The following LINGO1 variants were observed in gnomAD, a reference collection of about 807,000 sequenced individuals.
LINGO1 encodes the protein leucine rich repeat and Ig domain containing 1.
Under a neutral mutation model 37.3 loss-of-function variants are expected in LINGO1, and 11 were observed. The observed-to-expected ratio is 0.29, with a 90% CI of 0.19 to 0.49. The LOEUF (loss-of-function observed/expected upper bound fraction) is 0.49. LINGO1 is among the 20% of genes least tolerant of loss of function. The pLI is 0.99. For missense variants in LINGO1, 585 were observed against 878.2 expected (o/e 0.67, Z 4.22); for synonymous variants, 387 against 403.0 (o/e 0.96, Z 0.48).
intron 2 of LINGO1, among the ~76,000 whole-genome samples, chr15:77,716,870 G>A (rs776731761): frequency 6.6e-6 from 1 of 150,428 alleles, no homozygotes; most frequent in Non-Finnish European, 1.5e-5. Flanking sequence ...CAGGGCCCAG[G>A]GAGTTCCCAA....
At chr15:77,647,329 T>C (rs1180037614) in intron 3 of LINGO1, among the ~76,000 whole-genome samples, 3 of 144,476 alleles carry the variant, frequency 2.1e-5, no homozygotes, top group South Asian at 2.2e-4. Flanking sequence ...AGGGGAGAGG[T>C]AGACCCAGCT....
intron 1 of LINGO1, among the ~76,000 whole-genome samples, chr15:77,783,874 G>A (rs945054955): frequency 2.6e-5 from 4 of 152,206 alleles, no homozygotes; most frequent in African/African-American, 9.6e-5. Flanking sequence ...TGGGAGGTGG[G>A]ATACAGGAAG....
At chr15:77,737,370 G>A (rs1189424262) in intron 1 of LINGO1, among the ~76,000 whole-genome samples, 1 of 152,006 alleles carries the variant, frequency 6.6e-6, no homozygotes, top group African/African-American at 2.4e-5. Context: ...ACAGAGCAGA[G>A]CAATTTGCCT....
rs112509638 is a variant in LINGO1 at position 77,689,176 on chromosome 15, AG to A, written c.-99+1543del. Among the ~76,000 whole-genome samples, 159 of 152,290 alleles carry A rather than the reference AG, an allele frequency of 1.0e-3. 2 individuals carry two copies. Among genetic ancestry groups the A allele is most frequent in the African/African-American group, 3.7e-3 (152 of 41,564 alleles). On this transcript the variant is annotated intron_variant, in intron 2 of 3. Transcript: ENST00000559893. ...GGAATCACTAGAGGAGAAGCAGCAG[AG>A]GTGGAGGGCAAGTGCAGAGCCTGGG...
At chr15:77,717,115 C>T (rs1259149659) in intron 2 of LINGO1, among the ~76,000 whole-genome samples, 1 of 150,452 alleles carries the variant, frequency 6.6e-6, no homozygotes, top group Non-Finnish European at 1.5e-5. Flanking sequence ...CGCCCCTTGC[C>T]CACAGCTGCC....
intron 2 of LINGO1, among the ~76,000 whole-genome samples, chr15:77,712,975 G>A (rs1339417684): frequency 1.3e-5 from 2 of 152,082 alleles, no homozygotes; most frequent in Non-Finnish European, 2.9e-5. Context: ...AAACAATTGT[G>A]TTCTGGTATC....
chr15:77,705,356 A>T (rs188343818), intron 2 of LINGO1, among the ~76,000 whole-genome samples: 1 of 152,120 alleles, frequency 6.6e-6, no homozygotes, highest in African/African-American at 2.4e-5. Flanking sequence ...TGCCGGAAGG[A>T]AAGGGTGCTA....
chr15:77,768,667 A>T (rs1213045695), intron 1 of LINGO1, among the ~76,000 whole-genome samples: 2 of 150,934 alleles, frequency 1.3e-5, no homozygotes, highest in East Asian at 3.9e-4. Flanking sequence ...GAGTGTCCCT[A>T]CCCCCACTCT....
chr15:77,711,430 TC>T (rs1469651431), intron 2 of LINGO1, among the ~76,000 whole-genome samples: 1 of 152,168 alleles, frequency 6.6e-6, no homozygotes, highest in East Asian at 1.9e-4. Flanking sequence ...GAAGACACCT[TC>T]CTGCCCTGTT....
At chr15:77,704,018 C>A (rs186625701) in intron 2 of LINGO1, among the ~76,000 whole-genome samples, 44 of 152,306 alleles carry the variant, frequency 2.9e-4, no homozygotes, top group Non-Finnish European at 3.7e-4. Context: ...TGAGTCCGGG[C>A]TCTCCCACTT....
intron 1 of LINGO1, among the ~76,000 whole-genome samples, chr15:77,756,775 C>T (rs1327849628): frequency 1.3e-5 from 2 of 152,178 alleles, no homozygotes; most frequent in East Asian, 3.8e-4. Flanking sequence ...GGGGAATGAC[C>T]CTGAACCACC....
At position 77,631,372 on chromosome 15, in the gene LINGO1, C is replaced by G. The variant is rs530611686; in HGVS notation, c.6+938G>C. 7.2e-5 allele frequency among the ~76,000 whole-genome samples: 11 copies of G among 152,210 alleles called. No individual in the cohort carries two copies. In the South Asian group the frequency reaches 2.1e-3, roughly 29 times the overall value. On this transcript the variant is annotated intron_variant, in intron 1 of 1. Coordinates refer to ENST00000355300, the MANE Select transcript of LINGO1 (RefSeq NM_032808.7). ...CTCTCAGGCCCCCTTCTGCCCCACCCCAACCCCAAGGCCTCTGAGAACAAA... is the reference window on the plus strand; with the variant it reads ...CTCTCAGGCCCCCTTCTGCCCCACCGCAACCCCAAGGCCTCTGAGAACAAA...
chr15:77,708,875 C>T (rs2075884660), intron 2 of LINGO1, among the ~76,000 whole-genome samples: 2 of 152,216 alleles, frequency 1.3e-5, no homozygotes, highest in African/African-American at 4.8e-5. Flanking sequence ...GATCGTACCA[C>T]TGCACTCCAC....
In LINGO1 at chr15:77,615,731, C is replaced by A; in HGVS notation, c.176G>T (p.Arg59Leu). The part of the protein sequence containing the change: ...SAQDRAVLCH[R>L]KRFVAVPEGI... ...CTCGGGGACTGCCACAAAGCGCTTG[C>A]GGTGGCACAGCACAGCGCGGTCCTG... The change falls in exon 2 of 2, where the codon CGC (arginine) becomes CTC (leucine). Residue 59 changes from arginine to leucine, a missense_variant. Physicochemically the swap from Arg to Leu is moderately radical, Grantham distance 102. Coordinates refer to ENST00000355300, the MANE Select transcript of LINGO1 (RefSeq NM_032808.7). 6.3e-7 allele frequency: 1 copy of A among 1,594,390 alleles called. No individual in the cohort carries two copies. The highest frequency in any genetic ancestry group is 8.5e-7 in the Non-Finnish European group (1 of 1,172,756).
upstream of LINGO1, among the ~76,000 whole-genome samples, chr15:77,636,135 G>A (rs758374448): frequency 6.6e-6 from 1 of 152,246 alleles, no homozygotes; most frequent in Non-Finnish European, 1.5e-5. Context: ...CTCTGTGCAC[G>A]AGTTAGAGCT....
At chr15:77,734,025 T>C (rs2076178628) in intron 2 of LINGO1, among the ~76,000 whole-genome samples, 1 of 152,208 alleles carries the variant, frequency 6.6e-6, no homozygotes, top group African/African-American at 2.4e-5. Flanking sequence ...AGCTCCCTTT[T>C]ACAGATACGG....
intron 3 of LINGO1, among the ~76,000 whole-genome samples, chr15:77,662,928 GGGACAAGCAAGGCCCCTGCAGGAA>G (rs1164758007): frequency 6.6e-6 from 1 of 152,186 alleles, no homozygotes; most frequent in Non-Finnish European, 1.5e-5. Context: ...AGGAGGCTCT[GGGACAAGCAAGGCCCCTGCAGGAA>G]GGAAGCCGGT....
At chr15:77,774,082 CAG>C (rs1267594349) in intron 1 of LINGO1, among the ~76,000 whole-genome samples, 1 of 152,116 alleles carries the variant, frequency 6.6e-6, no homozygotes, top group East Asian at 1.9e-4. Context: ...ACAGGGGCTC[CAG>C]GGATGCCATG....
At chr15:77,809,637 G>T (rs1418728524) in intron 1 of LINGO1, among the ~76,000 whole-genome samples, 3 of 152,166 alleles carry the variant, frequency 2.0e-5, no homozygotes, top group African/African-American at 7.2e-5. Flanking sequence ...GGGCTGAGGG[G>T]ACACCAAGGA....
Sources: allele counts gnomAD v4.1 joint callset (sites outside exome capture counted in the v4.1 genomes callset), GRCh38; gene constraint gnomAD v4.1.1; transcripts MANE v1.5; gene names NCBI Gene and HGNC (gene_info 2026-07-23, HGNC 2026-07-21).